NGLY1: variants seen among roughly 807,000 people sequenced by gnomAD.
The protein encoded by NGLY1 is peptide-N(4)-(N-acetyl-beta-glucosaminyl)asparagine amidase.
In NGLY1, 68 loss-of-function variants were observed where a neutral mutation model predicts 84.6. That is an observed-to-expected ratio of 0.80 (90% CI 0.66 to 0.98). The LOEUF (loss-of-function observed/expected upper bound fraction) is 0.98, where lower values mean the gene tolerates loss of function less well. NGLY1 is among the 50% of genes least tolerant of loss of function. NGLY1 has a pLI of 0.00. For synonymous variants in NGLY1, 280 were observed against 275.2 expected, an observed-to-expected ratio of 1.02 and a Z score of -0.17; for missense variants, 779 against 770.2, an observed-to-expected ratio of 1.01 and a Z score of -0.14.
chr3:25,769,217 C>A (rs571254814), intron 2 of NGLY1, among the ~76,000 whole-genome samples: 12 of 152,004 alleles, frequency 7.9e-5, no homozygotes, highest in African/African-American at 2.9e-4. Flanking sequence ...AAGAATTAGC[C>A]GGGCATGATG....
intron 1 of NGLY1, among the ~76,000 whole-genome samples, chr3:25,781,899 T>C (rs1708435617): frequency 6.6e-6 from 1 of 152,224 alleles, no homozygotes. Context: ...GCCTGGTGGC[T>C]TTCCAGGTGG....
chr3:25,726,879 T>G (rs1244930060), intron 10 of NGLY1, among the ~76,000 whole-genome samples: 1 of 152,240 alleles, frequency 6.6e-6, no homozygotes, highest in Non-Finnish European at 1.5e-5. Context: ...TGCTTTTCAA[T>G]TCAGACATTA....
intron 4 of NGLY1, among the ~76,000 whole-genome samples, chr3:25,742,110 T>A (rs1706177537): frequency 6.6e-6 from 1 of 152,216 alleles, no homozygotes; most frequent in Admixed American, 6.5e-5. Context: ...AATACTTTCA[T>A]TAAGTGGAAA....
intron 4 of NGLY1, among the ~76,000 whole-genome samples, chr3:25,747,216 T>C (rs1706481006): frequency 6.6e-6 from 1 of 152,202 alleles, no homozygotes; most frequent in Admixed American, 6.6e-5. Flanking sequence ...CCCAGCCCAA[T>C]GACTCAAACA....
At chr3:25,734,008 A>G in intron 7 of NGLY1, 26 bp from the exon 8 acceptor site, 2 of 1,606,916 alleles carry the variant, frequency 1.2e-6, no homozygotes, top group Non-Finnish European at 1.7e-6. Flanking sequence ...GAATACAAAT[A>G]CTTAACAAGA....
chr3:25,728,511 AG>A (rs1705373972), intron 10 of NGLY1, among the ~76,000 whole-genome samples: 1 of 152,166 alleles, frequency 6.6e-6, no homozygotes, highest in Non-Finnish European at 1.5e-5. Context: ...AGGAGCAGGC[AG>A]TTTTAAAGCA....
At chr3:25,783,492 G>A (rs942916152), upstream of NGLY1, 6 of 1,147,348 alleles carry the variant, frequency 5.2e-6, no homozygotes, top group Middle Eastern at 3.6e-4. The surrounding 1 kb of genome is among the most constrained non-coding windows in gnomAD (Gnocchi z 4.5). Context: ...CGGCAGGGGC[G>A]GGGTCCTCGG....
intron 9 of NGLY1, among the ~76,000 whole-genome samples, chr3:25,731,289 T>C (rs1041981832): frequency 1.3e-5 from 2 of 152,014 alleles, no homozygotes; most frequent in South Asian, 4.1e-4. Context: ...CATTAGAATC[T>C]CATTTTAAAA....
intron 2 of NGLY1, among the ~76,000 whole-genome samples, chr3:25,772,803 A>C (rs933300451): frequency 1.3e-5 from 2 of 152,112 alleles, no homozygotes; most frequent in Admixed American, 6.5e-5. Flanking sequence ...GCTCCTTTTT[A>C]GCAGTTCTTG....
upstream of NGLY1, among the ~76,000 whole-genome samples, chr3:25,784,473 G>A (rs575627906): frequency 5.9e-5 from 9 of 152,304 alleles, no homozygotes; most frequent in Admixed American, 5.2e-4. Flanking sequence ...CTTAGAAGAT[G>A]CATCCCTTAC....
chr3:25,759,867 T>C (rs180716515), intron 3 of NGLY1, among the ~76,000 whole-genome samples: 1 of 151,778 alleles, frequency 6.6e-6, no homozygotes, highest in Admixed American at 6.6e-5. Flanking sequence ...CAAATCGTGG[T>C]AATTAATCAA....
chr3:25,750,953 C>A, intron 4 of NGLY1, 145 bp downstream of exon 4: 1 of 747,180 alleles, frequency 1.3e-6, no homozygotes, highest in South Asian at 2.2e-5. Flanking sequence ...TCCTGTGAAT[C>A]CACGTTTGGT....
At position 25,749,619 on chromosome 3, in the gene NGLY1, G is replaced by A; in HGVS notation, c.658+1479C>T. On this transcript the variant is annotated intron_variant, in intron 4 of 11. Coordinates refer to ENST00000280700, the MANE Select transcript of NGLY1 (RefSeq NM_018297.4). Reference sequence around the variant, plus strand: ...CGGAAACCCAGAGGTATTGACGACAGGGTTCATAGAAGGTTCAAGAGCCAG... The same window carrying A: ...CGGAAACCCAGAGGTATTGACGACAAGGTTCATAGAAGGTTCAAGAGCCAG... The A allele has an allele frequency of 2.0e-6, 3 of 1,464,132 alleles. No individual in the cohort carries two copies. The South Asian group carries it at 3.4e-5, about 17-fold the overall frequency. The allele number at this position is 1,464,132 out of a possible 1,614,324, so 90.7% of individuals were successfully genotyped here.
At chr3:25,724,746 A>G (rs1705167008) in intron 10 of NGLY1, among the ~76,000 whole-genome samples, 1 of 152,044 alleles carries the variant, frequency 6.6e-6, no homozygotes, top group African/African-American at 2.4e-5. Flanking sequence ...ATGTCCCCAA[A>G]CAACCTCCCC....
chr3:25,748,960 G>A (rs1342551264), intron 4 of NGLY1, among the ~76,000 whole-genome samples: 2 of 151,688 alleles, frequency 1.3e-5, no homozygotes, highest in Admixed American at 1.3e-4. Flanking sequence ...TTTCTCCAAA[G>A]AAGATATTCA....
intron 2 of NGLY1, 105 bp downstream of exon 2, chr3:25,778,469 A>T: frequency 1.8e-6 from 1 of 566,772 alleles, no homozygotes; most frequent in Non-Finnish European, 3.0e-6. Context: ...TGATTCCCAA[A>T]ATGATAAATT....
At chr3:25,787,727 T>A (rs1708635681), upstream of NGLY1, among the ~76,000 whole-genome samples, 1 of 152,232 alleles carries the variant, frequency 6.6e-6, no homozygotes, top group African/African-American at 2.4e-5. Flanking sequence ...AACTACGGGA[T>A]TAAATCCAAA....
At chr3:25,722,380 G>A (rs1405112961) in intron 10 of NGLY1, among the ~76,000 whole-genome samples, 1 of 151,732 alleles carries the variant, frequency 6.6e-6, no homozygotes, top group African/African-American at 2.4e-5. Flanking sequence ...AAACACATCT[G>A]CCATGGAATA....
At chr3:25,749,937 A>G in intron 4 of NGLY1, 1 of 566,076 alleles carries the variant, frequency 1.8e-6, no homozygotes, top group Non-Finnish European at 2.9e-6. Flanking sequence ...AAAACTGTAA[A>G]AACTGCCAAA....
Sources: gnomAD v4.1 joint callset for allele counts (sites outside exome capture counted in the v4.1 genomes callset) on GRCh38, gnomAD v4.1.1 for gene constraint, Gnocchi (gnomAD v3.1) non-coding constraint, MANE v1.5 for transcripts, NCBI Gene and HGNC (gene_info 2026-07-23, HGNC 2026-07-21) for gene names.